Variants in CDH17 observed in about 807,000 individuals in gnomAD.
CDH17 encodes cadherin 17.
Under a neutral mutation model 86.3 loss-of-function variants are expected in CDH17, and 67 were observed. The ratio of observed to expected loss-of-function variants is 0.78; its 90% CI spans 0.64 to 0.95. The LOEUF (loss-of-function observed/expected upper bound fraction) is 0.95, where lower values mean the gene tolerates loss of function less well. Ranked by LOEUF, CDH17 falls within the 40% of genes least tolerant of loss-of-function variation. The probability of loss-of-function intolerance (pLI) is 0.00; values close to 1 mark genes in which losing one functional copy is unlikely to be tolerated. For synonymous variants in CDH17, 367 were observed against 366.4 expected (o/e 1.00, Z -0.02); for missense variants, 993 against 1,017.6 (o/e 0.98, Z 0.33).
upstream of CDH17, among the ~76,000 whole-genome samples, chr8:94,210,226 T>TAAAAAAAAAAAAAAAAAAAA (rs71567010): frequency 3.7e-5 from 2 of 53,458 alleles, no homozygotes; most frequent in African/African-American, 1.4e-4. Context: ...TTTATGCGAG[T>TAAAAAAAAAAAAAAAAAAAA]AAAAAAAAAA....
chr8:94,198,774 A>G (rs1470563193), intron 1 of CDH17, among the ~76,000 whole-genome samples: 2 of 152,150 alleles, frequency 1.3e-5, no homozygotes, highest in Non-Finnish European at 2.9e-5. Flanking sequence ...GAAAATGGAC[A>G]ATGGATATTT....
intron 7 of CDH17, among the ~76,000 whole-genome samples, chr8:94,173,589 C>A (rs1813309669): frequency 6.6e-6 from 1 of 152,150 alleles, no homozygotes; most frequent in South Asian, 2.1e-4. Flanking sequence ...CAAAAACGGC[C>A]TAACATAATA....
At chr8:94,191,488 G>A (rs1338627352) in intron 2 of CDH17, among the ~76,000 whole-genome samples, 1 of 76,176 alleles carries the variant, frequency 1.3e-5, no homozygotes, top group African/African-American at 5.5e-5. Context: ...TTTCACTTTT[G>A]TTGCCTAGGC....
chr8:94,145,348 T>C (rs183253004), intron 15 of CDH17, among the ~76,000 whole-genome samples: 98 of 152,222 alleles, frequency 6.4e-4, no homozygotes, highest in African/African-American at 2.3e-3. Context: ...CTCAAAATAC[T>C]GAGATGAAAG....
intron 12 of CDH17, among the ~76,000 whole-genome samples, chr8:94,156,500 C>T (rs190581763): frequency 5.6e-4 from 86 of 152,312 alleles, no homozygotes; most frequent in African/African-American, 2.0e-3. Context: ...CGTTTGGCCC[C>T]AAGAGCATGA....
intron 15 of CDH17, among the ~76,000 whole-genome samples, chr8:94,139,086 GTTATAA>G (rs1481059821): frequency 1.3e-5 from 2 of 152,094 alleles, no homozygotes; most frequent in East Asian, 1.9e-4. Context: ...CATGAAAACA[GTTATAA>G]TTATATTCTA....
chr8:94,175,416 C>T (rs925714047), intron 5 of CDH17, among the ~76,000 whole-genome samples: 8 of 151,914 alleles, frequency 5.3e-5, no homozygotes, highest in Admixed American at 2.6e-4. Context: ...CTGGAATTCT[C>T]GGAGGCAGGC....
At chr8:94,212,225 G>A (rs867656102), upstream of CDH17, among the ~76,000 whole-genome samples, 1 of 152,078 alleles carries the variant, frequency 6.6e-6, no homozygotes, top group African/African-American at 2.4e-5. Context: ...GTGCGATCTC[G>A]GCTCACCGCA....
chr8:94,212,175 G>A (rs1349889734), upstream of CDH17, among the ~76,000 whole-genome samples: 1 of 152,154 alleles, frequency 6.6e-6, no homozygotes, highest in Non-Finnish European at 1.5e-5. Flanking sequence ...TTGGAGACAG[G>A]GTCTCGCTCT....
At chr8:94,168,512 G>T (rs1344952566) in intron 9 of CDH17, among the ~76,000 whole-genome samples, 1 of 151,964 alleles carries the variant, frequency 6.6e-6, no homozygotes, top group African/African-American at 2.4e-5. Context: ...AGCTAAGCTA[G>T]ACAGTAAGTC....
chr8:94,181,507 T>C (rs1813487342), intron 3 of CDH17, among the ~76,000 whole-genome samples: 1 of 151,956 alleles, frequency 6.6e-6, no homozygotes, highest in Non-Finnish European at 1.5e-5. Context: ...GGAAAATCAC[T>C]AATATGTAAA....
upstream of CDH17, among the ~76,000 whole-genome samples, chr8:94,211,882 CAGTT>C (rs2129675278): frequency 6.6e-6 from 1 of 152,288 alleles, no homozygotes; most frequent in African/African-American, 2.4e-5. Context: ...CAACTCCATT[CAGTT>C]ATTTAATTCA....
chr8:94,184,963 A>G (rs1388687774), intron 3 of CDH17, among the ~76,000 whole-genome samples: 1 of 152,110 alleles, frequency 6.6e-6, no homozygotes, highest in Non-Finnish European at 1.5e-5. Flanking sequence ...GAGGATCTGT[A>G]CACCTACCTC....
At position 94,195,014 on chromosome 8, in the gene CDH17, T is replaced by A. The variant is rs540875760; in HGVS notation, c.-20-309A>T. On this transcript the variant is annotated intron_variant, in intron 1 of 17. Coordinates refer to ENST00000027335, the MANE Select transcript of CDH17 (RefSeq NM_004063.4). ...TGGGCAATGAGTGTTTGTTTTGGGG[T>A]TTTTGGAAACGCAGTCTCACTTTGT... Among the ~76,000 whole-genome samples the A allele has an allele frequency of 1.5e-4, 23 of 152,280 alleles. No homozygotes were observed. The East Asian group carries it at 4.1e-3, about 27-fold the overall frequency.
At chr8:94,189,554 T>C (rs1432560344) in intron 2 of CDH17, among the ~76,000 whole-genome samples, 1 of 152,244 alleles carries the variant, frequency 6.6e-6, no homozygotes, top group Non-Finnish European at 1.5e-5. Context: ...CATCCCCATA[T>C]TACAAATGAA....
chr8:94,128,410 T>C, intron 17 of CDH17, 70 bp from the exon 18 acceptor site: 1 of 974,824 alleles, frequency 1.0e-6, no homozygotes. Flanking sequence ...AGTTATAAAG[T>C]AGTATTGTGG....
intron 13 of CDH17, 82 bp downstream of exon 13, chr8:94,151,786 G>A: frequency 4.5e-6 from 7 of 1,559,122 alleles, no homozygotes; most frequent in African/African-American, 2.7e-5. Context: ...CAGCCCTGGA[G>A]TCAGTGCAGG....
intron 15 of CDH17, among the ~76,000 whole-genome samples, chr8:94,133,242 A>G (rs1812455064): frequency 6.6e-6 from 1 of 152,074 alleles, no homozygotes; most frequent in African/African-American, 2.4e-5. Context: ...TGAATCTATG[A>G]ATTACCTTGG....
Position 94,130,922 on chromosome 8 carries a change from G to T in CDH17, c.2238C>A (p.Ile746=). The part of the protein sequence containing the change: ...EEREYVVLIR[I]NDGGRPPLEG... ...CCAAGGGTGGCCGACCCCCATCATT[G>T]ATGCGGATCAAGACGACATACTCCC... The change falls in exon 16 of 18, where the codon ATC becomes ATA. Residue 746 remains isoleucine (I), a synonymous_variant. Coordinates refer to ENST00000027335, the MANE Select transcript of CDH17 (RefSeq NM_004063.4). 6.2e-7 allele frequency: 1 copy of T among 1,612,198 alleles called. No homozygotes were observed. The highest frequency in any genetic ancestry group is 8.5e-7 in the Non-Finnish European group (1 of 1,178,308).
Sources: gnomAD v4.1 joint callset for allele counts (sites outside exome capture counted in the v4.1 genomes callset) on GRCh38, gnomAD v4.1.1 for gene constraint, MANE v1.5 for transcripts, NCBI Gene and HGNC (gene_info 2026-07-23, HGNC 2026-07-21) for gene names.